The following PCDHA7 variants were observed in gnomAD, a reference collection of about 807,000 sequenced individuals.
PCDHA7 encodes the protein protocadherin alpha 7.
Under a neutral mutation model 57.2 loss-of-function variants are expected in PCDHA7, and 37 were observed. The ratio of observed to expected loss-of-function variants is 0.65; its 90% confidence interval spans 0.50 to 0.85. The LOEUF is 0.85. Among genes scored for constraint, PCDHA7 ranks in the 40% least tolerant of loss-of-function variants. The probability of loss-of-function intolerance (pLI) is 0.00; values close to 1 mark genes in which losing one functional copy is unlikely to be tolerated. For missense variants in PCDHA7, 1,188 were observed against 1,241.8 expected (o/e 0.96, Z 0.65); for synonymous variants, 553 against 558.8 (o/e 0.99, Z 0.15).
chr5:141,009,539 C>T, intron 3 of PCDHA7, 88 bp from the exon 4 acceptor site: 1 of 1,522,752 alleles, frequency 6.6e-7, no homozygotes, highest in Non-Finnish European at 8.8e-7. Flanking sequence ...TTCAGCCTGC[C>T]TATGCAGTAC....
chr5:140,848,322 C>T, intron 1 of PCDHA7: 1 of 771,738 alleles, frequency 1.3e-6, no homozygotes, highest in Non-Finnish European at 2.1e-6. Flanking sequence ...CCGCGATGTT[C>T]TCTCTGAATC....
intron 1 of PCDHA7, chr5:140,841,629 G>T: frequency 6.2e-7 from 1 of 1,614,156 alleles, no homozygotes; most frequent in Non-Finnish European, 8.5e-7. Flanking sequence ...GCGGAGTGCA[G>T]CATCCACCTG....
chr5:141,004,715 G>T (rs989871938), intron 3 of PCDHA7, among the ~76,000 whole-genome samples: 2 of 152,162 alleles, frequency 1.3e-5, no homozygotes, highest in African/African-American at 2.4e-5. Flanking sequence ...CGAATCAGAG[G>T]TTTTTAAATA....
intron 1 of PCDHA7, among the ~76,000 whole-genome samples, chr5:140,878,476 A>T (rs1037108551): frequency 3.2e-4 from 49 of 152,322 alleles, no homozygotes; most frequent in African/African-American, 1.1e-3. Flanking sequence ...TCATTTCTCA[A>T]TTTAAAAATA....
intron 3 of PCDHA7, among the ~76,000 whole-genome samples, chr5:140,986,383 A>G (rs1277624649): frequency 2.6e-5 from 4 of 152,178 alleles, no homozygotes; most frequent in Admixed American, 1.3e-4. Flanking sequence ...GGGGAGGGAC[A>G]TTAAAGGGCC....
At position 140,842,992 on chromosome 5, in the gene PCDHA7, C is replaced by T. The variant is rs144435690; in HGVS notation, c.2355+6254C>T. The T allele has an allele frequency of 5.2e-4, 826 of 1,594,968 alleles. 57 individuals carry two copies. In the African/African-American group the frequency reaches 9.5e-3, roughly 18 times the overall value. On this transcript the variant is annotated intron_variant, in intron 1 of 3. Transcript: ENST00000525929. ...TGACGCTGCAGGTGTTCGTGCTGGA[C>T]GAGAATGACAACGCGCCGGCACTGC...
At position 140,839,044 on chromosome 5, in the gene PCDHA7, C is replaced by A. The variant is rs2150294320; in HGVS notation, c.2355+2306C>A. 1.3e-3 allele frequency among the ~76,000 whole-genome samples: 202 copies of A among 152,030 alleles called. 2 individuals are homozygous for A. Among genetic ancestry groups the A allele is most frequent in the Non-Finnish European group, 2.1e-3 (142 of 67,974 alleles). On this transcript the variant is annotated intron_variant, in intron 1 of 3. Transcript: ENST00000525929. ...GGATATGTTACTGTTTTCTTTTCAACGTGAATAAGGATAGAGGTATGCAAA... is the reference window on the plus strand; with the variant it reads ...GGATATGTTACTGTTTTCTTTTCAAAGTGAATAAGGATAGAGGTATGCAAA...
intron 1 of PCDHA7, among the ~76,000 whole-genome samples, chr5:140,846,986 C>A (rs1780801174): frequency 6.7e-6 from 1 of 149,066 alleles, no homozygotes; most frequent in South Asian, 2.1e-4. Flanking sequence ...AGTAAGTTCC[C>A]CCCGGGAGAA....
At chr5:140,869,412 C>T (rs1164802929) in intron 1 of PCDHA7, 3 of 1,614,078 alleles carry the variant, frequency 1.9e-6, no homozygotes, top group Admixed American at 1.7e-5. Flanking sequence ...CGGAGTGCAG[C>T]ATCCACCTGG....
At chr5:140,939,897 T>G (rs1563176465) in intron 1 of PCDHA7, among the ~76,000 whole-genome samples, 1 of 152,230 alleles carries the variant, frequency 6.6e-6, no homozygotes. Flanking sequence ...TCAAATATTC[T>G]GCATTCTTTT....
rs1554135944 is a variant in PCDHA7 at position 140,836,422 on chromosome 5, C to G, written c.2039C>G (p.Ser680Trp). The G allele has an allele frequency of 1.2e-6, 2 of 1,613,670 alleles. No individual in the cohort carries two copies. The highest frequency in any genetic ancestry group is 2.7e-5 in the African/African-American group (2 of 74,856). The change falls in exon 1 of 4, where the codon TCG (serine) becomes TGG (tryptophan). Residue 680 changes from serine to tryptophan, a missense_variant. This residue lies in a region of PCDHA7 where 892 missense variants were observed against 788.5 expected (regional missense o/e 1.13). Transcript: ENST00000525929. ...VESGQAPKAS[S>W]RASLGIAGPE... ...AGCGGCCAGGCACCAAAGGCGTCGT[C>G]GCGGGCATCGTTGGGCATTGCAGGC...
In PCDHA7 at chr5:140,958,926, C is replaced by T. The variant is rs2095452227; in HGVS notation, c.2356-20023C>T. Among the ~76,000 whole-genome samples the T allele has an allele frequency of 2.1e-5, 3 of 143,506 alleles. No individual in the cohort carries two copies. The Admixed American group carries it at 2.1e-4, about 10-fold the overall frequency. The allele number at this position is 143,506 out of a possible 152,430, so 94.1% of individuals were successfully genotyped here. A position where few individuals can be genotyped will look rare whatever the true frequency, so the allele number is the denominator to read the frequency against. Reference sequence around the variant, plus strand: ...AGAAAAGTCTGCCTGGGTGTGGTGGCTCATACTTGTAATAATATTATATTA... The same window carrying T: ...AGAAAAGTCTGCCTGGGTGTGGTGGTTCATACTTGTAATAATATTATATTA... On this transcript the variant is annotated intron_variant, in intron 1 of 3. Transcript: ENST00000525929.
chr5:140,927,607 C>T, intron 1 of PCDHA7: 2 of 1,614,180 alleles, frequency 1.2e-6, no homozygotes, highest in Non-Finnish European at 8.5e-7. Flanking sequence ...CTCCGTATAC[C>T]GCACCAAGGT....
At chr5:140,958,442 T>C (rs1554223476) in intron 1 of PCDHA7, among the ~76,000 whole-genome samples, 1 of 152,178 alleles carries the variant, frequency 6.6e-6, no homozygotes, top group Non-Finnish European at 1.5e-5. Flanking sequence ...AATTTAAAAA[T>C]ACCTTTTATT....
intron 1 of PCDHA7, chr5:140,862,499 G>T (rs1581644581): frequency 2.5e-6 from 1 of 396,118 alleles, no homozygotes; most frequent in East Asian, 6.8e-5. Flanking sequence ...CGCTCGGAAT[G>T]GGGACTCGCT....
Position 140,856,423 on chromosome 5 carries a change from T to C in PCDHA7, c.2355+19685T>C, listed in dbSNP as rs1266159746. 5 of 1,598,178 alleles carry C rather than the reference T, an allele frequency of 3.1e-6. 1 individual carries two copies. In the African/African-American group the frequency reaches 4.0e-5, roughly 13 times the overall value. On this transcript the variant is annotated intron_variant, in intron 1 of 3. Transcript: ENST00000525929. ...ATGTGGACGTGGAAGTGAAGGACAT[T>C]AACGACAACCCGCCCAGGTTCTCCG...
chr5:140,848,925 G>T lies in PCDHA7; in HGVS notation c.2355+12187G>T, dbSNP rs2150425144. ...GACACAAAAGAATCTGTTCATCGCGGAATCCAGGCCGCTTGACTCTCGGTT... is the reference window on the plus strand; with the variant it reads ...GACACAAAAGAATCTGTTCATCGCGTAATCCAGGCCGCTTGACTCTCGGTT... On this transcript the variant is annotated intron_variant, in intron 1 of 3. Transcript: ENST00000525929. 12 of 1,607,696 alleles carry T rather than the reference G, an allele frequency of 7.5e-6. 1 individual carries two copies. The highest frequency in any genetic ancestry group is 1.0e-5 in the Non-Finnish European group (12 of 1,176,962).
chr5:140,869,497 G>C, intron 1 of PCDHA7: 1 of 1,614,202 alleles, frequency 6.2e-7, no homozygotes, highest in South Asian at 1.1e-5. Context: ...CAACCCGCCG[G>C]TGTTCTCGCT....
At chr5:140,917,354 G>T (rs148449289) in intron 1 of PCDHA7, among the ~76,000 whole-genome samples, 7 of 143,854 alleles carry the variant, frequency 4.9e-5, no homozygotes, top group African/African-American at 1.8e-4. Flanking sequence ...GTAGGCTTCT[G>T]TTCCACTATC....
Sources: allele counts gnomAD v4.1 joint callset (sites outside exome capture counted in the v4.1 genomes callset), GRCh38; gene constraint gnomAD v4.1.1; regional missense constraint gnomAD v4.1.1; transcripts MANE v1.5; gene names NCBI Gene and HGNC (gene_info 2026-07-23, HGNC 2026-07-21).